Variants in TNRC6A observed in about 807,000 individuals in gnomAD.
TNRC6A encodes the protein trinucleotide repeat containing adaptor 6A.
Under a neutral mutation model 221.2 loss-of-function variants are expected in TNRC6A, and 44 were observed. The ratio of observed to expected loss-of-function variants is 0.20; its 90% CI spans 0.16 to 0.26. TNRC6A has a LOEUF of 0.26. Among genes scored for constraint, TNRC6A ranks in the 10% least tolerant of loss-of-function variants. The pLI, the probability that TNRC6A is intolerant of heterozygous loss-of-function variation, is 1.00. For missense variants in TNRC6A, 2,199 were observed against 2,404.4 expected (o/e 0.91, Z 1.79); for synonymous variants, 847 against 838.5 (o/e 1.01, Z -0.18).
chr16:24,746,643 C>T (rs2057016743), intron 2 of TNRC6A, among the ~76,000 whole-genome samples: 1 of 152,142 alleles, frequency 6.6e-6, no homozygotes, highest in South Asian at 2.1e-4. Flanking sequence ...ATTGATGGAT[C>T]ATAAGATAGT....
At chr16:24,663,699 G>A (rs577741235) in intron 2 of TNRC6A, 171 of 335,918 alleles carry the variant, frequency 5.1e-4, no homozygotes, top group East Asian at 8.5e-4. Context: ...GACAACACAC[G>A]CAAAACACTG....
chr16:24,688,222 A>G (rs575104946), intron 2 of TNRC6A, among the ~76,000 whole-genome samples: 1 of 151,800 alleles, frequency 6.6e-6, no homozygotes, highest in South Asian at 2.1e-4. Context: ...TACAGGTGTG[A>G]GCCACCATGC....
rs1316513217 is a variant in TNRC6A at position 24,777,096 on chromosome 16, ACAGCAGCAGCCACAGCCGCAGCCG to A, written c.338_361del (p.Pro113_Gln120del). The A allele has an allele frequency of 3.5e-6, 5 of 1,445,108 alleles. No individual in the cohort carries two copies. Among genetic ancestry groups the A allele is most frequent in the South Asian group, 2.3e-5 (2 of 86,588 alleles). 89.5% of individuals were successfully genotyped at this position (1,445,108 alleles called of 1,614,324 possible). A position where few individuals can be genotyped will look rare whatever the true frequency, so the allele number is the denominator to read the frequency against. Reference sequence around the variant, plus strand: ...AGCAGCAGCCGCAGCAGCAGCAGCCACAGCAGCAGCCACAGCCGCAGCCGCAGCAGCAGCAGCCACAGCAGCAGC... The same window carrying A: ...AGCAGCAGCCGCAGCAGCAGCAGCCACAGCAGCAGCAGCCACAGCAGCAGC... On this transcript the variant is annotated inframe_deletion, in exon 5 of 25. Transcript: ENST00000395799.
intron 2 of TNRC6A, among the ~76,000 whole-genome samples, chr16:24,694,578 C>A (rs2055819787): frequency 6.7e-6 from 1 of 148,874 alleles, no homozygotes; most frequent in Admixed American, 6.8e-5. Flanking sequence ...TCGCTTGAAC[C>A]CTGGAGGCAG....
intron 18 of TNRC6A, among the ~76,000 whole-genome samples, chr16:24,814,762 C>A (rs1246365433): frequency 6.6e-6 from 1 of 152,046 alleles, no homozygotes; most frequent in Non-Finnish European, 1.5e-5. Flanking sequence ...ACTTATAATT[C>A]GGTGTCTTTT....
At chr16:24,724,995 T>G (rs1320777373), upstream of TNRC6A, among the ~76,000 whole-genome samples, 1 of 151,942 alleles carries the variant, frequency 6.6e-6, no homozygotes, top group African/African-American at 2.4e-5. Flanking sequence ...GGAGGAGAAG[T>G]TAGAGAACAT....
intron 2 of TNRC6A, among the ~76,000 whole-genome samples, chr16:24,694,057 A>G (rs1250264048): frequency 6.6e-6 from 1 of 152,200 alleles, no homozygotes; most frequent in Non-Finnish European, 1.5e-5. Flanking sequence ...AGTATCTCAA[A>G]GGGAGGAAGG....
chr16:24,781,336 GGT>G, intron 5 of TNRC6A, among the ~76,000 whole-genome samples: 1 of 152,064 alleles, frequency 6.6e-6, no homozygotes, highest in East Asian at 1.9e-4. Flanking sequence ...TGGGATTACA[GGT>G]GTGAGCCACC....
intron 18 of TNRC6A, among the ~76,000 whole-genome samples, chr16:24,814,173 C>G (rs1237767755): frequency 1.3e-5 from 2 of 152,100 alleles, no homozygotes; most frequent in African/African-American, 2.4e-5. Flanking sequence ...TTCATCATCC[C>G]TGAGTTACCC....
At chr16:24,792,613 C>CTTTTTTTTTTTGTT (rs2058129780) in intron 6 of TNRC6A, among the ~76,000 whole-genome samples, 1 of 56,514 alleles carries the variant, frequency 1.8e-5, no homozygotes, top group African/African-American at 8.1e-5. Context: ...ACATTTATGG[C>CTTTTTTTTTTTGTT]TTTTTTTTTT....
At position 24,816,898 on chromosome 16, in the gene TNRC6A, A is replaced by T; in HGVS notation, c.4914A>T (p.Ile1638=). 1 of 1,614,210 alleles carries T rather than the reference A, an allele frequency of 6.2e-7. No individual in the cohort carries two copies. The highest frequency in any genetic ancestry group is 1.1e-5 in the South Asian group (1 of 91,074). Residue 1638 remains isoleucine, a synonymous_variant, in exon 20 of 25, where the codon ATA becomes ATT. Coordinates refer to ENST00000395799, the MANE Select transcript of TNRC6A (RefSeq NM_014494.4). ...CTTACGTCACTCCTGGCAGTGTCAT[A>T]AACAATCTTTCAATTAATACTGTGC... ...TDPYVTPGSV[I]NNLSINTVRE... is the part of the protein sequence containing the mutation.
At chr16:24,785,106 C>A (rs2057937199) in intron 5 of TNRC6A, among the ~76,000 whole-genome samples, 1 of 152,200 alleles carries the variant, frequency 6.6e-6, no homozygotes, top group African/African-American at 2.4e-5. Context: ...GTATCTTTGA[C>A]ATATACTTGG....
intron 2 of TNRC6A, among the ~76,000 whole-genome samples, chr16:24,738,908 C>T (rs140003045): frequency 1.3e-5 from 2 of 152,284 alleles, no homozygotes; most frequent in Non-Finnish European, 2.9e-5. Flanking sequence ...GGCTGACGTT[C>T]AGTGGTGCAA....
upstream of TNRC6A, among the ~76,000 whole-genome samples, chr16:24,728,057 G>T (rs1385603008): frequency 6.6e-6 from 1 of 152,138 alleles, no homozygotes; most frequent in Non-Finnish European, 1.5e-5. Flanking sequence ...GACTTTCTGT[G>T]CATTCATTCA....
At chr16:24,617,074 A>C (rs1458719966) in intron 1 of TNRC6A, among the ~76,000 whole-genome samples, 1 of 151,588 alleles carries the variant, frequency 6.6e-6, no homozygotes, top group Non-Finnish European at 1.5e-5. Flanking sequence ...ATGTGCCAAA[A>C]TCTTTAACTG....
At chr16:24,611,771 C>T (rs1900068164) in intron 1 of TNRC6A, among the ~76,000 whole-genome samples, 1 of 151,988 alleles carries the variant, frequency 6.6e-6, no homozygotes, top group African/African-American at 2.4e-5. Flanking sequence ...ATTAGTTGAA[C>T]CATGGGGAAG....
chr16:24,781,610 C>T (rs1444776102), intron 5 of TNRC6A, among the ~76,000 whole-genome samples: 2 of 152,254 alleles, frequency 1.3e-5, no homozygotes, highest in Non-Finnish European at 2.9e-5. Context: ...TTCTGGAAGT[C>T]TTCAGCTGAT....
At chr16:24,814,491 C>T (rs1008580661) in intron 18 of TNRC6A, among the ~76,000 whole-genome samples, 5 of 147,340 alleles carry the variant, frequency 3.4e-5, no homozygotes, top group African/African-American at 1.3e-4. Context: ...TCACTGCAAC[C>T]TCTGCCTCCC....
chr16:24,747,212 A>G (rs1017781934), intron 2 of TNRC6A, among the ~76,000 whole-genome samples: 128 of 152,356 alleles, frequency 8.4e-4, no homozygotes, highest in African/African-American at 2.9e-3. Context: ...GAATGATTTG[A>G]CAAATGTATA....
Sources: gnomAD v4.1 joint callset for allele counts (sites outside exome capture counted in the v4.1 genomes callset) on GRCh38, gnomAD v4.1.1 for gene constraint, MANE v1.5 for transcripts, NCBI Gene and HGNC (gene_info 2026-07-23, HGNC 2026-07-21) for gene names.